Variants in FMN2 observed in about 807,000 individuals in gnomAD.
FMN2 encodes formin-2.
Under a neutral mutation model 142.3 loss-of-function variants are expected in FMN2, and 51 were observed. The observed-to-expected ratio is 0.36, with a 90% confidence interval of 0.29 to 0.45. The LOEUF (loss-of-function observed/expected upper bound fraction) is 0.45. Ranked by LOEUF, FMN2 falls within the 20% of genes least tolerant of loss-of-function variation. FMN2 has a pLI of 1.00. For synonymous variants in FMN2, 882 were observed against 869.8 expected, an observed-to-expected ratio of 1.01 and a Z score of -0.25; for missense variants, 1,936 against 2,122.8, an observed-to-expected ratio of 0.91 and a Z score of 1.73.
At chr1:240,121,024 A>G (rs12047137) in intron 1 of FMN2, among the ~76,000 whole-genome samples, 45,837 of 151,982 alleles carry the variant, frequency 0.3, 7,067 homozygotes, top group Non-Finnish European at 0.34. Flanking sequence ...AGCTGGACAT[A>G]GTGGTGCATG....
At chr1:240,147,890 C>T (rs1663556010) in intron 2 of FMN2, among the ~76,000 whole-genome samples, 1 of 152,144 alleles carries the variant, frequency 6.6e-6, no homozygotes, top group Non-Finnish European at 1.5e-5. Context: ...TGAGACTGGG[C>T]TCTGGGAATA....
intron 1 of FMN2, among the ~76,000 whole-genome samples, chr1:240,097,106 G>T (rs1047493637): frequency 1.3e-5 from 2 of 152,006 alleles, no homozygotes; most frequent in African/African-American, 4.8e-5. Flanking sequence ...GCTTTTGATA[G>T]GAATCTTTCC....
At chr1:240,248,372 T>TTATA (rs35386496) in intron 6 of FMN2, among the ~76,000 whole-genome samples, 1 of 146,688 alleles carries the variant, frequency 6.8e-6, no homozygotes, top group Admixed American at 6.9e-5. Context: ...GTTTTATGGA[T>TTATA]TATATATATA....
chr1:240,242,101 T>G (rs1558388836), intron 6 of FMN2, among the ~76,000 whole-genome samples: 1 of 152,162 alleles, frequency 6.6e-6, no homozygotes, highest in Non-Finnish European at 1.5e-5. Flanking sequence ...TGCCTCGGCC[T>G]CCCAAAGTGC....
At position 240,292,699 on chromosome 1, in the gene FMN2, C is replaced by T. The variant is rs1669837528; in HGVS notation, c.4154-2123C>T. Among the ~76,000 whole-genome samples, 4 of 152,224 alleles carry T rather than the reference C, an allele frequency of 2.6e-5. No individual in the cohort carries two copies. In the South Asian group the frequency reaches 8.3e-4, roughly 32 times the overall value. On this transcript the variant is annotated intron_variant, in intron 7 of 17. Coordinates refer to ENST00000319653, the MANE Select transcript of FMN2 (RefSeq NM_020066.5). ...TAACATAGACATTTTGATCTAAGTCCTGATTTCTGAAATGTTAGCATATGC... is the reference window on the plus strand; with the variant it reads ...TAACATAGACATTTTGATCTAAGTCTTGATTTCTGAAATGTTAGCATATGC...
In FMN2 at chr1:240,093,477, A is replaced by G. The variant is rs781434131; in HGVS notation, c.1368A>G (p.Arg456=). The change falls in exon 1 of 18, where the codon AGA becomes AGG. Residue 456 remains arginine (R), a synonymous_variant. Coordinates refer to ENST00000319653, the MANE Select transcript of FMN2 (RefSeq NM_020066.5). ...AACCCTCCCTGAGCCGAGGGTCCAG[A>G]ACTGCCCTGGCCTCCGTAGCCGCCC... ...RPEPSLSRGS[R]TALASVAAPA... 7 of 1,610,624 alleles carry G rather than the reference A, an allele frequency of 4.3e-6. No homozygotes were observed. The highest frequency in any genetic ancestry group is 1.3e-5 in the African/African-American group (1 of 74,470).
At chr1:240,199,385 G>C (rs1666045612) in intron 4 of FMN2, among the ~76,000 whole-genome samples, 1 of 152,198 alleles carries the variant, frequency 6.6e-6, no homozygotes, top group South Asian at 2.1e-4. Context: ...ACATAATAAA[G>C]TTTCAAAGAT....
At position 240,339,085 on chromosome 1, in the gene FMN2, G is replaced by T. The variant is rs1032267873; in HGVS notation, c.4765+4856G>T. Among the ~76,000 whole-genome samples, 5 of 152,082 alleles carry T rather than the reference G, an allele frequency of 3.3e-5. No individual in the cohort carries two copies. The South Asian group carries it at 1.0e-3, about 32-fold the overall frequency. ...GGCGGTAATGCTTGCGATGAGGAGC[G>T]GCTATAAATACAGATGAAGCTTTGC... On this transcript the variant is annotated intron_variant, in intron 13 of 17. Transcript: ENST00000319653.
At chr1:240,191,432 T>C (rs1249089678) in intron 4 of FMN2, among the ~76,000 whole-genome samples, 4 of 152,358 alleles carry the variant, frequency 2.6e-5, no homozygotes, top group East Asian at 1.9e-4. Flanking sequence ...CTTTTATTGA[T>C]GACCCTGTGG....
chr1:240,358,237 G>A (rs12042575), intron 14 of FMN2, among the ~76,000 whole-genome samples: 5 of 152,204 alleles, frequency 3.3e-5, no homozygotes, highest in East Asian at 1.9e-4. Flanking sequence ...AAATGTATGC[G>A]TCTTAATGGA....
chr1:240,153,976 TGTG>T (rs1311414903), intron 2 of FMN2, among the ~76,000 whole-genome samples: 4 of 150,808 alleles, frequency 2.7e-5, no homozygotes, highest in African/African-American at 9.7e-5. Flanking sequence ...ATCAGCCAGG[TGTG>T]GTGGTGCATG....
chr1:240,323,965 A>G (rs980894437), intron 8 of FMN2, among the ~76,000 whole-genome samples: 5 of 152,148 alleles, frequency 3.3e-5, no homozygotes, highest in African/African-American at 1.2e-4. Flanking sequence ...CCTCACTGTC[A>G]TGCTACCATT....
Position 240,216,905 on chromosome 1 carries a change from C to T in FMN2, c.4065+5670C>T, listed in dbSNP as rs554166124. Among the ~76,000 whole-genome samples, 23 of 151,652 alleles carry T rather than the reference C, an allele frequency of 1.5e-4. No homozygotes were observed. The South Asian group carries it at 4.0e-3, about 26-fold the overall frequency. Reference sequence around the variant, plus strand: ...CGGAGGTTGCAGTGAGCCGAGATCGCGCCACTACACTCCAGCCTGGGCAAC... The same window carrying T: ...CGGAGGTTGCAGTGAGCCGAGATCGTGCCACTACACTCCAGCCTGGGCAAC... On this transcript the variant is annotated intron_variant, in intron 6 of 17. Transcript: ENST00000319653.
rs1664685551 is a variant in FMN2 at position 240,171,110 on chromosome 1, G to C, written c.1783-6811G>C. 8 of 1,437,456 alleles carry C rather than the reference G, an allele frequency of 5.6e-6. No individual in the cohort carries two copies. In the East Asian group the frequency reaches 1.8e-4, roughly 33 times the overall value. The allele number at this position is 1,437,456 out of a possible 1,614,324, so 89.0% of individuals were successfully genotyped here. On this transcript the variant is annotated intron_variant, in intron 2 of 17. Transcript: ENST00000319653. Reference sequence around the variant, plus strand: ...TTCCAGCTGGTAACAGGTCGCACATGGAAAGGCACTGCCTTTGGAGGGTGA... The same window carrying C: ...TTCCAGCTGGTAACAGGTCGCACATCGAAAGGCACTGCCTTTGGAGGGTGA...
intron 2 of FMN2, chr1:240,170,850 T>C (rs558598058): frequency 1.2e-6 from 1 of 818,846 alleles, no homozygotes; most frequent in African/African-American, 1.7e-5. Context: ...TCCATCAAGA[T>C]AAATTTCCAA....
intron 5 of FMN2, among the ~76,000 whole-genome samples, chr1:240,209,444 G>A (rs1263457580): frequency 6.6e-6 from 1 of 150,646 alleles, no homozygotes; most frequent in Non-Finnish European, 1.5e-5. Flanking sequence ...CAGTAGAGAC[G>A]GGGTTTCACC....
At chr1:240,403,247 G>A (rs1674048675) in intron 15 of FMN2, among the ~76,000 whole-genome samples, 2 of 152,166 alleles carry the variant, frequency 1.3e-5, no homozygotes, top group African/African-American at 2.4e-5. Context: ...TGTTTTCTAG[G>A]AAGTTTGTGA....
At chr1:240,452,221 T>C (rs1292310335) in intron 16 of FMN2, among the ~76,000 whole-genome samples, 4 of 152,160 alleles carry the variant, frequency 2.6e-5, no homozygotes, top group Admixed American at 2.0e-4. Flanking sequence ...AATTTAGTTA[T>C]GTAGCCATTC....
intron 7 of FMN2, among the ~76,000 whole-genome samples, chr1:240,293,099 C>T (rs866464048): frequency 5.3e-5 from 8 of 151,982 alleles, no homozygotes; most frequent in Non-Finnish European, 1.0e-4. Context: ...AATATTCTTT[C>T]GATCTCATGT....
Sources: gnomAD v4.1 joint callset for allele counts (sites outside exome capture counted in the v4.1 genomes callset) on GRCh38, gnomAD v4.1.1 for gene constraint, MANE v1.5 for transcripts, NCBI Gene and HGNC (gene_info 2026-07-23, HGNC 2026-07-21) for gene names.